LRP3: variants seen among roughly 807,000 people sequenced by gnomAD.
LRP3 encodes the protein LDL receptor related protein 3, also known as low-density lipoprotein receptor-related protein 3.
LRP3 carries 49 observed loss-of-function variants against 58.5 expected under a neutral mutation model. That is an observed-to-expected ratio of 0.84 (90% confidence interval 0.67 to 1.06). The LOEUF is 1.06. Ranked by LOEUF, LRP3 falls within the 50% of genes least tolerant of loss-of-function variation. LRP3 has a pLI of 0.00. For missense variants in LRP3, 1,019 were observed against 1,134.2 expected, an observed-to-expected ratio of 0.90 and a Z score of 1.46; for synonymous variants, 485 against 492.2, an observed-to-expected ratio of 0.99 and a Z score of 0.20.
intron 3 of LRP3, 50 bp downstream of exon 3, chr19:33,203,036 T>G (rs1974358472): frequency 6.3e-7 from 1 of 1,591,946 alleles, no homozygotes; most frequent in Non-Finnish European, 8.6e-7. Context: ...CCCACGTGCA[T>G]GGGGTGGGTG....
In LRP3 at chr19:33,207,518, G is replaced by GC; in HGVS notation, c.2262dup (p.Cys755LeufsTer10). ...CACTGGGGGTCTGCAGGAACCCCCC[G>GC]CCCCCCTGCTCCCCAATGCTGGAGG... On this transcript the variant is annotated frameshift_variant, in exon 7 of 7. Coordinates refer to ENST00000253193, the MANE Select transcript of LRP3 (RefSeq NM_002333.4). LOFTEE classifies it high-confidence loss of function. The GC allele has an allele frequency of 6.3e-7, 1 of 1,595,130 alleles. No homozygotes were observed.
intron 2 of LRP3, among the ~76,000 whole-genome samples, chr19:33,200,827 G>A (rs1254112524): frequency 6.6e-6 from 1 of 152,218 alleles, no homozygotes; most frequent in Non-Finnish European, 1.5e-5. Context: ...GTGCTGGCTT[G>A]CACCTCACTG....
Position 33,207,182 on chromosome 19 carries a change from C to T in LRP3, c.1920C>T (p.Leu640=), listed in dbSNP as rs1248865114. ...AGACCGTGCTGGGCGATGGCTTCCT[C>T]CAGCCTGCTCCAGGGGCTGCCCCCG... The part of the protein sequence containing the change: ...PSQTVLGDGF[L]QPAPGAAPDP... The change falls in exon 7 of 7, where the codon CTC becomes CTT. Residue 640 remains leucine, a synonymous_variant. Transcript: ENST00000253193. 13 of 1,549,638 alleles carry T rather than the reference C, an allele frequency of 8.4e-6. No individual in the cohort carries two copies. The African/African-American group carries it at 1.5e-4, about 18-fold the overall frequency.
Position 33,205,931 on chromosome 19 carries a change from CG to C in LRP3, c.1162del (p.Asp388ThrfsTer150). 1.3e-6 allele frequency: 2 copies of C among 1,598,026 alleles called. No homozygotes were observed. Among genetic ancestry groups the C allele is most frequent in the Non-Finnish European group, 1.7e-6 (2 of 1,172,120 alleles). On this transcript the variant is annotated frameshift_variant, in exon 5 of 7. Transcript: ENST00000253193. LOFTEE classifies it high-confidence loss of function. Reference sequence around the variant, plus strand: ...GTGACAGTGACGGGGGCAGCCTGGGCGACCAGGGCTGCTTCTCAGAGCCACA... The same window carrying C: ...GTGACAGTGACGGGGGCAGCCTGGGCACCAGGGCTGCTTCTCAGAGCCACA... ...SSDSDGGSLG[D>X]QGCFSEPQRC... is the part of the protein sequence containing the mutation.
At position 33,207,393 on chromosome 19, in the gene LRP3, C is replaced by T; in HGVS notation, c.2131C>T (p.Pro711Ser). The part of the protein sequence containing the change: ...KVCREPLVDG[P>S]APADAPREPC... ...CTGCAGGGAGCCACTGGTAGACGGC[C>T]CAGCTCCTGCAGATGCACCTCGGGA... is the stretch of plus-strand genomic sequence containing the variant. Residue 711 changes from proline to serine, a missense_variant, in exon 7 of 7, where the codon CCA becomes TCA. Physicochemically the swap from Pro to Ser is moderately conservative, Grantham distance 74. Around this residue, in one of 2 missense-constraint regions of LRP3, gnomAD observed 427 missense variants for 408.6 expected, o/e 1.04. Transcript: ENST00000253193. 11 of 1,586,344 alleles carry T rather than the reference C, an allele frequency of 6.9e-6. No individual in the cohort carries two copies. Among genetic ancestry groups the T allele is most frequent in the Non-Finnish European group, 9.4e-6 (11 of 1,171,868 alleles).
chr19:33,195,707 G>A (rs559190492), intron 1 of LRP3, among the ~76,000 whole-genome samples: 29 of 152,326 alleles, frequency 1.9e-4, no homozygotes, highest in African/African-American at 6.7e-4. Context: ...GCAGGCCCTT[G>A]CCCCAGCTGT....
intron 1 of LRP3, among the ~76,000 whole-genome samples, 195 bp downstream of exon 1, chr19:33,195,053 C>T (rs896556072): frequency 4.6e-5 from 7 of 151,904 alleles, no homozygotes; most frequent in African/African-American, 9.7e-5. Context: ...GGTGGCGCAG[C>T]CCCGGCTCCC....
intron 6 of LRP3, 108 bp downstream of exon 6, chr19:33,206,841 C>T: frequency 7.6e-7 from 1 of 1,314,966 alleles, no homozygotes; most frequent in East Asian, 2.5e-5. Flanking sequence ...CGCAGGGTGA[C>T]CTGAGGGCCC....
chr19:33,206,983 C>A lies in LRP3; in HGVS notation c.1726-5C>A. 2.0e-6 allele frequency: 3 copies of A among 1,467,638 alleles called. No homozygotes were observed. The highest frequency in any genetic ancestry group is 2.7e-6 in the Non-Finnish European group (3 of 1,112,714). 90.9% of individuals were successfully genotyped at this position (1,467,638 alleles called of 1,614,324 possible). A position where few individuals can be genotyped will look rare whatever the true frequency, so the allele number is the denominator to read the frequency against. ...CCCCCGCCCCTACCCTGCTCCACCC[C>A]ACAGGCCTCTGTGCTGCAGAATCTT... is the stretch of plus-strand genomic sequence containing the variant. On this transcript the variant is annotated splice_region_variant and splice_polypyrimidine_tract_variant and intron_variant, in intron 6 of 6. Transcript: ENST00000253193.
intron 2 of LRP3, among the ~76,000 whole-genome samples, chr19:33,197,341 C>T (rs1193662742): frequency 6.6e-6 from 1 of 152,162 alleles, no homozygotes; most frequent in East Asian, 1.9e-4. Context: ...GGGAAAGTCT[C>T]GACATCCAGG....
chr19:33,203,192 ATGTG>A (rs773243630), intron 3 of LRP3, among the ~76,000 whole-genome samples: 2 of 151,944 alleles, frequency 1.3e-5, no homozygotes, highest in Non-Finnish European at 2.9e-5. Context: ...GGGTGTGTGC[ATGTG>A]TGTGAGCATT....
chr19:33,201,186 A>G (rs1228201896), intron 2 of LRP3, among the ~76,000 whole-genome samples: 1 of 152,202 alleles, frequency 6.6e-6, no homozygotes, highest in Non-Finnish European at 1.5e-5. Flanking sequence ...ATCAGTCCCA[A>G]CAACAAAAGG....
intron 5 of LRP3, 55 bp from the exon 6 acceptor site, chr19:33,206,546 C>T (rs1175103209): frequency 1.1e-5 from 17 of 1,590,624 alleles, no homozygotes; most frequent in Non-Finnish European, 1.4e-5. Context: ...TGTTGTTGTT[C>T]CTGCTGCAGG....
rs1974267444 is a variant in LRP3, at chr19:33,194,766, C to G, written c.-20C>G. ...GAGCCGCGGGGCAGGAGGCGGCGCC[C>G]GCGGGCGGCCGGGCCCGGCATGGAG... On this transcript the variant is annotated 5_prime_UTR_variant, in exon 1 of 7. Coordinates refer to ENST00000253193, the MANE Select transcript of LRP3 (RefSeq NM_002333.4). The G allele has an allele frequency of 2.1e-6, 2 of 947,270 alleles. No individual in the cohort carries two copies. Among genetic ancestry groups the G allele is most frequent in the Non-Finnish European group, 2.5e-6 (2 of 797,388 alleles). 58.7% of individuals were successfully genotyped at this position (947,270 alleles called of 1,614,324 possible). A position where few individuals can be genotyped will look rare whatever the true frequency, so the allele number is the denominator to read the frequency against.
Position 33,207,540 on chromosome 19 carries a change from G to T in LRP3, c.2278G>T (p.Glu760Ter). 1 of 1,605,866 alleles carries T rather than the reference G, an allele frequency of 6.2e-7. No individual in the cohort carries two copies. Residue 760 changes from glutamate to a stop codon, truncating the protein, a stop_gained, in exon 7 of 7, where the codon GAG becomes TAG. Transcript: ENST00000253193. LOFTEE classifies it high-confidence loss of function. ...NPPPPCSPML[E>*]ASDDEALLVC is the part of the protein sequence containing the mutation. ...CCCGCCCCCCTGCTCCCCAATGCTGGAGGCCAGCGATGATGAGGCCCTGTT... is the reference window on the plus strand; with the variant it reads ...CCCGCCCCCCTGCTCCCCAATGCTGTAGGCCAGCGATGATGAGGCCCTGTT...
intron 4 of LRP3, 33 bp downstream of exon 4, chr19:33,204,885 C>A: frequency 6.3e-7 from 1 of 1,592,610 alleles, no homozygotes; most frequent in South Asian, 1.1e-5. Flanking sequence ...CAGGACACCA[C>A]GGAGCACACC....
In LRP3 at chr19:33,207,811, C is replaced by G. The variant is rs562608905; in HGVS notation, c.*236C>G. The G allele has an allele frequency of 1.2e-3, 648 of 552,506 alleles. 2 individuals carry two copies. Among genetic ancestry groups the G allele is most frequent in the Non-Finnish European group, 1.7e-3 (547 of 314,088 alleles). The allele number at this position is 552,506 out of a possible 1,614,324, so 34.2% of individuals were successfully genotyped here. A position where few individuals can be genotyped will look rare whatever the true frequency, so the allele number is the denominator to read the frequency against. On this transcript the variant is annotated 3_prime_UTR_variant, in exon 7 of 7. Coordinates refer to ENST00000253193, the MANE Select transcript of LRP3 (RefSeq NM_002333.4). ...GCAGGGTCCCATTGTACACAAGCACCCTGGGGTCTCACTTCTCTCCCCCCA... is the reference window on the plus strand; with the variant it reads ...GCAGGGTCCCATTGTACACAAGCACGCTGGGGTCTCACTTCTCTCCCCCCA...
At chr19:33,199,067 A>T (rs1057383617) in intron 2 of LRP3, among the ~76,000 whole-genome samples, 7 of 152,120 alleles carry the variant, frequency 4.6e-5, no homozygotes, top group African/African-American at 1.7e-4. Flanking sequence ...TCTGCCTGAG[A>T]GAAGTCAGGT....
At chr19:33,201,204 T>C (rs1974337788) in intron 2 of LRP3, among the ~76,000 whole-genome samples, 1 of 152,128 alleles carries the variant, frequency 6.6e-6, no homozygotes, top group Non-Finnish European at 1.5e-5. Context: ...AGGGAAATGC[T>C]CTGTGGCCGA....
Sources: allele counts gnomAD v4.1 joint callset (sites outside exome capture counted in the v4.1 genomes callset), GRCh38; gene constraint gnomAD v4.1.1; regional missense constraint gnomAD v4.1.1; transcripts MANE v1.5; gene names NCBI Gene and HGNC (gene_info 2026-07-23, HGNC 2026-07-21).